LRP2: variants seen among roughly 807,000 people sequenced by gnomAD.
LRP2 encodes the protein low-density lipoprotein receptor-related protein 2.
A neutral mutation model predicts 531.0 loss-of-function variants in LRP2; 172 were observed. The observed-to-expected ratio is 0.32, with a 90% confidence interval of 0.29 to 0.37. The LOEUF is 0.37. Among genes scored for constraint, LRP2 ranks in the 10% least tolerant of loss-of-function variants. The pLI is 1.00. For synonymous variants in LRP2, 1,992 were observed against 2,027.6 expected, an observed-to-expected ratio of 0.98 and a Z score of 0.47; for missense variants, 5,167 against 5,868.3, an observed-to-expected ratio of 0.88 and a Z score of 3.90.
At chr2:169,190,683 G>A (rs561696507) in intron 48 of LRP2, among the ~76,000 whole-genome samples, 1 of 151,964 alleles carries the variant, frequency 6.6e-6, no homozygotes, top group East Asian at 1.9e-4. Context: ...TCCCTTAACA[G>A]TCCTTGGCAC....
At chr2:169,196,258 T>C (rs547800394) in intron 46 of LRP2, among the ~76,000 whole-genome samples, 1 of 152,368 alleles carries the variant, frequency 6.6e-6, no homozygotes, top group East Asian at 1.9e-4. Flanking sequence ...GCCATAGTTT[T>C]CTGACTCCTA....
chr2:169,189,110 AG>A (rs1687741773), intron 48 of LRP2, among the ~76,000 whole-genome samples: 1 of 152,226 alleles, frequency 6.6e-6, no homozygotes, highest in African/African-American at 2.4e-5. Flanking sequence ...ATCCCATAAA[AG>A]TTATGATGTC....
Position 169,234,036 on chromosome 2 carries a change from T to C in LRP2, c.4921-448A>G, listed in dbSNP as rs1221837510. 3.2e-4 allele frequency among the ~76,000 whole-genome samples: 49 copies of C among 152,236 alleles called. 1 individual carries two copies. The highest frequency in any genetic ancestry group is 3.2e-3 in the Admixed American group (49 of 15,284). Reference sequence around the variant, plus strand: ...ACGGTCTTGTGCTGCCACTCACTGATTCACATCAATCTGTTATAGTTTAGA... The same window carrying C: ...ACGGTCTTGTGCTGCCACTCACTGACTCACATCAATCTGTTATAGTTTAGA... On this transcript the variant is annotated intron_variant, in intron 29 of 78. Transcript: ENST00000649046.
rs769969152 is a variant in LRP2, at chr2:169,128,887, G to T, written c.13801-57C>A. The T allele has an allele frequency of 3.1e-6, 5 of 1,599,008 alleles. No individual in the cohort carries two copies. The Admixed American group carries it at 8.3e-5, about 27-fold the overall frequency. On this transcript the variant is annotated intron_variant, in intron 78 of 78. Coordinates refer to ENST00000649046, the MANE Select transcript of LRP2 (RefSeq NM_004525.3). ...TTATTCCCCCAAGGTCACCATACAC[G>T]GTTTTTCATAAAGAAGACTATTTGT...
chr2:169,328,126 C>T (rs1472390472), intron 1 of LRP2, among the ~76,000 whole-genome samples: 1 of 143,026 alleles, frequency 7.0e-6, no homozygotes, highest in African/African-American at 2.6e-5. Context: ...CTCTGCCCAG[C>T]CGCCCCTACT....
intron 32 of LRP2, 38 bp from the exon 33 acceptor site, chr2:169,225,491 G>A (rs1689168757): frequency 1.2e-6 from 2 of 1,612,468 alleles, no homozygotes; most frequent in Non-Finnish European, 1.7e-6. Flanking sequence ...CAGTTCCAAG[G>A]CCATGGCTCC....
In LRP2 at chr2:169,291,141, C is replaced by T. The variant is rs932928368; in HGVS notation, c.770-144G>A. The stretch of plus-strand genomic sequence containing the variant: ...ACATTTTACAATAAGTTAGTGATTT[C>T]TAACTCTACCACTAGTCTTTTACTG... On this transcript the variant is annotated intron_variant, in intron 7 of 78. Transcript: ENST00000649046. 8.5e-6 allele frequency: 6 copies of T among 706,220 alleles called. No individual in the cohort carries two copies. In the Admixed American group the frequency reaches 8.5e-5, roughly 10 times the overall value. The allele number at this position is 706,220 out of a possible 1,614,324, so 43.7% of individuals were successfully genotyped here. A position where few individuals can be genotyped will look rare whatever the true frequency, so the allele number is the denominator to read the frequency against.
chr2:169,171,208 C>T (rs561175955), intron 58 of LRP2, among the ~76,000 whole-genome samples: 21 of 152,216 alleles, frequency 1.4e-4, no homozygotes, highest in African/African-American at 4.1e-4. Context: ...CAGGTGTAGT[C>T]AGCTTCCTAA....
chr2:169,214,075 G>GAT (rs1688693460), intron 35 of LRP2, among the ~76,000 whole-genome samples: 1 of 152,050 alleles, frequency 6.6e-6, no homozygotes, highest in African/African-American at 2.4e-5. Flanking sequence ...CCCTTTCATT[G>GAT]ATAATGAAGA....
intron 44 of LRP2, among the ~76,000 whole-genome samples, chr2:169,199,972 C>G (rs988169859): frequency 6.6e-6 from 1 of 152,050 alleles, no homozygotes; most frequent in South Asian, 2.1e-4. Context: ...TTTTTCTGGC[C>G]GGGTGCAGTG....
intron 72 of LRP2, among the ~76,000 whole-genome samples, chr2:169,140,187 C>T (rs1036685252): frequency 1.4e-4 from 22 of 152,200 alleles, no homozygotes; most frequent in African/African-American, 5.3e-4. Context: ...GACCCTGTGG[C>T]CTACCTAGAG....
At chr2:169,316,563 G>A (rs944158913) in intron 3 of LRP2, among the ~76,000 whole-genome samples, 1 of 152,118 alleles carries the variant, frequency 6.6e-6, no homozygotes, top group African/African-American at 2.4e-5. Context: ...AGCAAATATA[G>A]AAGGAAAATC....
At chr2:169,148,240 T>C (rs55681838) in intron 68 of LRP2, among the ~76,000 whole-genome samples, 24,574 of 152,158 alleles carry the variant, frequency 0.16, 2,524 homozygotes, top group East Asian at 0.34. Flanking sequence ...TAGGATTCCA[T>C]TTGTAGGAAA....
chr2:169,241,301 G>A lies in LRP2; in HGVS notation c.3732C>T (p.Ile1244=). Residue 1244 remains isoleucine (I), a synonymous_variant, in exon 25 of 79, where the codon ATC becomes ATT. Coordinates refer to ENST00000649046, the MANE Select transcript of LRP2 (RefSeq NM_004525.3). ...GCCCATCACATTCCCAGAAGTTCGG[G>A]ATGCAGATACCATCTTCTTGGCACT... ...EFQCQEDGIC[I]PNFWECDGHP... 1 of 1,614,160 alleles carries A rather than the reference G, an allele frequency of 6.2e-7. No homozygotes were observed.
intron 33 of LRP2, among the ~76,000 whole-genome samples, chr2:169,222,091 T>C (rs1689039087): frequency 6.6e-6 from 1 of 152,218 alleles, no homozygotes; most frequent in South Asian, 2.1e-4. Flanking sequence ...AAACAGAAAG[T>C]GAATACGATT....
In LRP2 at chr2:169,328,531, G is replaced by A. The variant is rs150446325; in HGVS notation, c.80-7647C>T. On this transcript the variant is annotated intron_variant, in intron 1 of 78. Transcript: ENST00000649046. Reference sequence around the variant, plus strand: ...GGTCCTTTTTTGACAGAGCCTATAAGTTTATTGGGGGCAAAAGTGATTTAT... The same window carrying A: ...GGTCCTTTTTTGACAGAGCCTATAAATTTATTGGGGGCAAAAGTGATTTAT... 2.1e-3 allele frequency among the ~76,000 whole-genome samples: 312 copies of A among 148,482 alleles called. 1 individual carries two copies. The highest frequency in any genetic ancestry group is 3.4e-3 in the Non-Finnish European group (229 of 67,206).
At position 169,225,412 on chromosome 2, in the gene LRP2, T is replaced by G. The variant is rs1364683469; in HGVS notation, c.5436A>C (p.Thr1812=). The part of the protein sequence containing the change: ...HRVKTDGTNR[T]VFASISMVGP... ...CCACCATAGATATAGAAGCAAATAC[T>G]GTCCTGTTGGTGCCATCTGTCTTCA... is the stretch of plus-strand genomic sequence containing the variant. The change falls in exon 33 of 79, where the codon ACA becomes ACC. Residue 1812 remains threonine, a synonymous_variant. Transcript: ENST00000649046. 1 of 1,614,110 alleles carries G rather than the reference T, an allele frequency of 6.2e-7. No individual in the cohort carries two copies. Among genetic ancestry groups the G allele is most frequent in the Non-Finnish European group, 8.5e-7 (1 of 1,179,964 alleles).
At chr2:169,243,614 T>A in intron 22 of LRP2, 92 bp from the exon 23 acceptor site, 2 of 1,474,962 alleles carry the variant, frequency 1.4e-6, no homozygotes, top group Non-Finnish European at 1.9e-6. Context: ...CTACAGAAGT[T>A]ATCTCAATTG....
At chr2:169,170,923 T>TTTG (rs1686977006) in intron 58 of LRP2, among the ~76,000 whole-genome samples, 2 of 88,368 alleles carry the variant, frequency 2.3e-5, no homozygotes, top group Non-Finnish European at 4.8e-5. Flanking sequence ...CTCTCTCTGT[T>TTTG]TTTTTTTTTT....
Sources: allele counts gnomAD v4.1 joint callset (sites outside exome capture counted in the v4.1 genomes callset), GRCh38; gene constraint gnomAD v4.1.1; transcripts MANE v1.5; gene names NCBI Gene and HGNC (gene_info 2026-07-23, HGNC 2026-07-21).